The following GRXCR1 variants were observed in gnomAD, a reference collection of about 807,000 sequenced individuals.
GRXCR1 encodes glutaredoxin domain-containing cysteine-rich protein 1.
GRXCR1 carries 27 observed loss-of-function variants against 27.3 expected under a neutral mutation model. The observed-to-expected ratio is 0.99, with a 90% confidence interval of 0.73 to 1.37. The LOEUF is 1.37. Among genes scored for constraint, GRXCR1 ranks in the 40% most tolerant of loss-of-function variants. The probability of loss-of-function intolerance (pLI) is 0.00; values close to 1 mark genes in which losing one functional copy is unlikely to be tolerated. For synonymous variants in GRXCR1, 122 were observed against 131.1 expected, an observed-to-expected ratio of 0.93 and a Z score of 0.47; for missense variants, 379 against 354.4, an observed-to-expected ratio of 1.07 and a Z score of -0.56.
At chr4:42,998,821 A>C (rs1355435683) in intron 2 of GRXCR1, among the ~76,000 whole-genome samples, 1 of 152,202 alleles carries the variant, frequency 6.6e-6, no homozygotes, top group Admixed American at 6.5e-5. Context: ...ACTATGGTCA[A>C]TAGTTGGAAT....
intron 1 of GRXCR1, among the ~76,000 whole-genome samples, chr4:42,936,985 A>C (rs1747475499): frequency 6.6e-6 from 1 of 151,682 alleles, no homozygotes; most frequent in Non-Finnish European, 1.5e-5. Context: ...TCCACACTGT[A>C]CTCTTTGGAA....
intron 1 of GRXCR1, among the ~76,000 whole-genome samples, chr4:42,928,212 G>T (rs1433147797): frequency 6.6e-6 from 1 of 151,944 alleles, no homozygotes; most frequent in Admixed American, 6.6e-5. Flanking sequence ...TTCTACTCTT[G>T]GAAGCACATA....
intron 2 of GRXCR1, among the ~76,000 whole-genome samples, chr4:43,011,802 C>A (rs1292078280): frequency 6.6e-6 from 1 of 152,114 alleles, no homozygotes; most frequent in East Asian, 1.9e-4. Flanking sequence ...GTAGGGAGGT[C>A]TTTCTTGATG....
At chr4:42,934,853 C>A (rs545135266) in intron 1 of GRXCR1, among the ~76,000 whole-genome samples, 14 of 152,018 alleles carry the variant, frequency 9.2e-5, no homozygotes, top group African/African-American at 3.4e-4. Context: ...GAAAGCTTAG[C>A]AGCCAGGACA....
At chr4:43,015,887 C>T (rs975828826) in intron 2 of GRXCR1, among the ~76,000 whole-genome samples, 5 of 151,950 alleles carry the variant, frequency 3.3e-5, no homozygotes, top group Non-Finnish European at 7.4e-5. Context: ...TCCTTCTGGG[C>T]TCCTCAGAAA....
intron 2 of GRXCR1, among the ~76,000 whole-genome samples, chr4:42,979,781 T>G (rs1427414399): frequency 6.6e-6 from 1 of 152,004 alleles, no homozygotes; most frequent in Admixed American, 6.6e-5. Flanking sequence ...AATTCAGCAG[T>G]AAAGCTATCA....
At chr4:42,897,739 G>A (rs1322503739) in intron 1 of GRXCR1, among the ~76,000 whole-genome samples, 2 of 151,936 alleles carry the variant, frequency 1.3e-5, no homozygotes, top group African/African-American at 4.8e-5. Flanking sequence ...GCTGTGTGGT[G>A]ATTTTGTAAT....
chr4:42,955,915 C>G (rs930894116), intron 1 of GRXCR1, among the ~76,000 whole-genome samples: 1 of 152,030 alleles, frequency 6.6e-6, no homozygotes, highest in Non-Finnish European at 1.5e-5. Flanking sequence ...GAGCCTGCTC[C>G]GTGCTGATCT....
intron 2 of GRXCR1, among the ~76,000 whole-genome samples, chr4:42,987,277 T>TAGAGAGAGAGAGAG (rs1181869530): frequency 1.9e-4 from 20 of 104,210 alleles, no homozygotes; most frequent in African/African-American, 6.9e-4. Flanking sequence ...TATATATATA[T>TAGAGAGAGAGAGAG]AGAGAGAGAG....
Position 42,963,055 on chromosome 4 carries a change from A to C in GRXCR1, c.548A>C (p.Lys183Thr), listed in dbSNP as rs769323897. 1 of 1,612,936 alleles carries C rather than the reference A, an allele frequency of 6.2e-7. No individual in the cohort carries two copies. Among genetic ancestry groups the C allele is most frequent in the East Asian group, 2.2e-5 (1 of 44,846 alleles). The change falls in exon 2 of 4, where the codon AAA becomes ACA. Residue 183 changes from lysine (K) to threonine (T), a missense_variant. By Grantham distance (78) the Lys-to-Thr change is moderately conservative. Transcript: ENST00000399770. ...KNIALNGEYG[K>T]ELDERCRRVS... ...ATAGCCCTGAATGGTGAATATGGAA[A>C]AGAGTTAGACGAACGATGCCGACGA...
At chr4:42,908,626 T>C (rs1385950695) in intron 1 of GRXCR1, among the ~76,000 whole-genome samples, 1 of 152,208 alleles carries the variant, frequency 6.6e-6, no homozygotes, top group African/African-American at 2.4e-5. Context: ...TATTTATAAA[T>C]GGATTCTAAA....
intron 1 of GRXCR1, among the ~76,000 whole-genome samples, chr4:42,910,796 G>A (rs1480339816): frequency 2.6e-5 from 4 of 152,054 alleles, no homozygotes; most frequent in African/African-American, 4.8e-5. Context: ...TATCCTAAAC[G>A]TACTTTGCTA....
At chr4:43,007,581 C>A (rs969379283) in intron 2 of GRXCR1, among the ~76,000 whole-genome samples, 1 of 151,952 alleles carries the variant, frequency 6.6e-6, no homozygotes, top group Admixed American at 6.6e-5. Flanking sequence ...AGGTGGTGGA[C>A]CCCAGAAATA....
chr4:43,012,295 A>T (rs1287420341), intron 2 of GRXCR1, among the ~76,000 whole-genome samples: 1 of 152,186 alleles, frequency 6.6e-6, no homozygotes. Flanking sequence ...CTCAAATTTC[A>T]TGCTACCTTT....
At chr4:42,898,021 G>C (rs1210560368) in intron 1 of GRXCR1, among the ~76,000 whole-genome samples, 1 of 151,326 alleles carries the variant, frequency 6.6e-6, no homozygotes. Context: ...CCCAAAGCTA[G>C]TAATGCAAGA....
Position 42,929,944 on chromosome 4 carries a change from A to G in GRXCR1, c.385-32948A>G, listed in dbSNP as rs142118170. On this transcript the variant is annotated intron_variant, in intron 1 of 3. Coordinates refer to ENST00000399770, the MANE Select transcript of GRXCR1 (RefSeq NM_001080476.3). ...TTTAGGGGTAAGGAAACTGAAGTAT[A>G]AAGAGCTCAAGTGCATCTCTAAGAC... 2.5e-3 allele frequency among the ~76,000 whole-genome samples: 385 copies of G among 152,092 alleles called. 3 individuals carry two copies. Among genetic ancestry groups the G allele is most frequent in the African/African-American group, 9.0e-3 (374 of 41,538 alleles).
intron 2 of GRXCR1, among the ~76,000 whole-genome samples, chr4:43,003,840 T>C (rs1253750205): frequency 6.6e-6 from 1 of 152,224 alleles, no homozygotes; most frequent in Non-Finnish European, 1.5e-5. Flanking sequence ...GCATAAAAGT[T>C]TGGAAAATTT....
intron 1 of GRXCR1, among the ~76,000 whole-genome samples, chr4:42,943,137 T>C (rs1345796295): frequency 1.3e-5 from 2 of 152,082 alleles, no homozygotes; most frequent in Non-Finnish European, 2.9e-5. Flanking sequence ...ACAAATTGTT[T>C]TATATCTCTG....
chr4:42,914,403 A>G (rs7666745), intron 1 of GRXCR1, among the ~76,000 whole-genome samples: 31,850 of 152,138 alleles, frequency 0.21, 3,400 homozygotes, highest in South Asian at 0.31. Context: ...AGGTTTAATA[A>G]CTGCCCTATT....
Sources: allele counts gnomAD v4.1 joint callset (sites outside exome capture counted in the v4.1 genomes callset), GRCh38; gene constraint gnomAD v4.1.1; transcripts MANE v1.5; gene names NCBI Gene and HGNC (gene_info 2026-07-23, HGNC 2026-07-21).